Variants in POLR1F observed in about 807,000 individuals in gnomAD.
POLR1F encodes RNA polymerase I subunit F, also known as DNA-directed RNA polymerase I subunit RPA43.
In POLR1F, 23 loss-of-function variants were observed where a neutral mutation model predicts 21.8. That is an observed-to-expected ratio of 1.05 (90% confidence interval 0.76 to 1.49). The LOEUF (loss-of-function observed/expected upper bound fraction) is 1.49. Among genes scored for constraint, POLR1F ranks in the 40% most tolerant of loss-of-function variants. The pLI is 0.00. For missense variants in POLR1F, 435 were observed against 412.1 expected, an observed-to-expected ratio of 1.06 and a Z score of -0.48; for synonymous variants, 162 against 152.8, an observed-to-expected ratio of 1.06 and a Z score of -0.45.
At chr7:19,701,939 A>C (rs1783451326) in intron 2 of POLR1F, among the ~76,000 whole-genome samples, 2 of 151,886 alleles carry the variant, frequency 1.3e-5, no homozygotes, top group Admixed American at 6.6e-5. Flanking sequence ...GCAGTCGGAC[A>C]CTCAGCAGTA....
At chr7:19,704,645 C>T (rs767932177) in intron 2 of POLR1F, 134 bp downstream of exon 2, 76 of 832,098 alleles carry the variant, frequency 9.1e-5, no homozygotes, top group Non-Finnish European at 1.3e-4. Context: ...ATTAATTTTT[C>T]CTTAAAAATA....
intron 3 of POLR1F, 110 bp from the exon 4 acceptor site, chr7:19,698,837 A>C: frequency 2.4e-6 from 2 of 819,762 alleles, no homozygotes; most frequent in Non-Finnish European, 3.5e-6. Flanking sequence ...TGACTCCAGT[A>C]CAAGACACAT....
At chr7:19,702,667 GA>G (rs1227798755) in intron 2 of POLR1F, among the ~76,000 whole-genome samples, 35 of 152,168 alleles carry the variant, frequency 2.3e-4, no homozygotes, top group African/African-American at 7.9e-4. Flanking sequence ...ATACTTATCT[GA>G]AAAGAATTCA....
chr7:19,700,325 C>A (rs756848649), intron 2 of POLR1F, 45 bp from the exon 3 acceptor site: 1 of 1,487,378 alleles, frequency 6.7e-7, no homozygotes, highest in Non-Finnish European at 9.4e-7. Flanking sequence ...AGAACACATC[C>A]ACAAAGTTAA....
At chr7:19,705,477 G>A (rs1223766758) in intron 1 of POLR1F, 1 of 152,844 alleles carries the variant, frequency 6.5e-6, no homozygotes, top group African/African-American at 2.4e-5. Context: ...TGAATAAGAG[G>A]CAATTTTGGT....
rs3832529 is a variant in POLR1F, at chr7:19,696,206, CA to C, written c.*2109del. On this transcript the variant is annotated 3_prime_UTR_variant, in exon 4 of 4. Coordinates refer to ENST00000222567, the MANE Select transcript of POLR1F (RefSeq NM_001002926.2). The stretch of plus-strand genomic sequence containing the variant: ...AGTCTTTCTGTGTCAGAAAGACAAA[CA>C]AAAAAAACAATGAACAAAGTTATGC... 0.22 allele frequency: 32,885 copies of C among 151,330 alleles called. 4,212 individuals are homozygous for C. Among genetic ancestry groups the C allele is most frequent in the East Asian group, 0.62 (3,208 of 5,150 alleles). The allele number at this position is 151,330 out of a possible 1,614,324, so 9.4% of individuals were successfully genotyped here. A position where few individuals can be genotyped will look rare whatever the true frequency, so the allele number is the denominator to read the frequency against.
chr7:19,703,939 G>C (rs912520639), intron 2 of POLR1F, among the ~76,000 whole-genome samples: 2 of 152,146 alleles, frequency 1.3e-5, no homozygotes, highest in African/African-American at 4.8e-5. Context: ...GTAGATGAAA[G>C]TTAAGTTTGT....
rs924022506 is a variant in POLR1F at position 19,696,761 on chromosome 7, A to G, written c.*1555T>C. The stretch of plus-strand genomic sequence containing the variant: ...CTAAAATTGTTTTATTTAAGCCACT[A>G]TACCAAGACATATTGATTTCACCAA... On this transcript the variant is annotated 3_prime_UTR_variant, in exon 4 of 4. Coordinates refer to ENST00000222567, the MANE Select transcript of POLR1F (RefSeq NM_001002926.2). The G allele has an allele frequency of 5.3e-5, 8 of 152,130 alleles. No individual in the cohort carries two copies. The East Asian group carries it at 1.5e-3, about 29-fold the overall frequency. The allele number at this position is 152,130 out of a possible 1,614,324, so 9.4% of individuals were successfully genotyped here.
chr7:19,708,098 G>A (rs890534289), intron 1 of POLR1F, among the ~76,000 whole-genome samples: 1 of 151,954 alleles, frequency 6.6e-6, no homozygotes, highest in African/African-American at 2.4e-5. Context: ...TTTGAATACC[G>A]TAATATAAAT....
rs1318421274 is a variant in POLR1F, at chr7:19,698,132, C to T, written c.*184G>A. 2.1e-6 allele frequency: 1 copy of T among 478,554 alleles called. No homozygotes were observed. Among genetic ancestry groups the T allele is most frequent in the Non-Finnish European group, 3.5e-6 (1 of 287,896 alleles). The allele number at this position is 478,554 out of a possible 1,614,324, so 29.6% of individuals were successfully genotyped here. A position where few individuals can be genotyped will look rare whatever the true frequency, so the allele number is the denominator to read the frequency against. ...TAAAATGGTATTTTAACAATACTGGCTTTCCCCAAATTAATTTACAGTCAG... is the reference window on the plus strand; with the variant it reads ...TAAAATGGTATTTTAACAATACTGGTTTTCCCCAAATTAATTTACAGTCAG... On this transcript the variant is annotated 3_prime_UTR_variant, in exon 4 of 4. Transcript: ENST00000222567.
chr7:19,700,348 A>C, intron 2 of POLR1F, 68 bp from the exon 3 acceptor site: 1 of 1,157,594 alleles, frequency 8.6e-7, no homozygotes, highest in Non-Finnish European at 1.3e-6. Flanking sequence ...GGTGAACCAA[A>C]CTTTACAAGC....
At chr7:19,701,046 C>T (rs1180692037) in intron 2 of POLR1F, among the ~76,000 whole-genome samples, 1 of 152,016 alleles carries the variant, frequency 6.6e-6, no homozygotes, top group Admixed American at 6.6e-5. Flanking sequence ...CAAATAATGC[C>T]GATGTGTATA....
At position 19,700,284 on chromosome 7, in the gene POLR1F, GGAA is replaced by G. The variant is rs757693957; in HGVS notation, c.397-7_397-5del. 8.7e-6 allele frequency: 14 copies of G among 1,607,958 alleles called. No homozygotes were observed. In the South Asian group the frequency reaches 8.8e-5, roughly 10 times the overall value. ...AAGACACTTTATTAACTATACCCTG[GGAA>G]GAAGAAGGAAGAAAGAGCGTAACAT... On this transcript the variant is annotated splice_region_variant and splice_polypyrimidine_tract_variant and intron_variant, in intron 2 of 3. Transcript: ENST00000222567.
rs1476618138 is a variant in POLR1F, at chr7:19,700,205, G to A, written c.472C>T (p.Pro158Ser). ...CACTGCTCAGCTGACAACTGCTCAG[G>A]TTTAGGAATGGAGGCATTGAAACAC... ...HGCFNASIPKPEQLSAEQWQT... is the reference protein window; with the variant it reads ...HGCFNASIPKSEQLSAEQWQT... The change falls in exon 3 of 4, where the codon CCT (proline) becomes TCT (serine). Residue 158 changes from proline (P) to serine (S), a missense_variant. Pro to Ser is a moderately conservative substitution (Grantham distance 74). Transcript: ENST00000222567. 5 of 1,613,814 alleles carry A rather than the reference G, an allele frequency of 3.1e-6. No individual in the cohort carries two copies. The highest frequency in any genetic ancestry group is 1.1e-5 in the South Asian group (1 of 91,074).
rs1031432362 is a variant in POLR1F at position 19,700,317 on chromosome 7, A to G, written c.397-37T>C. The G allele has an allele frequency of 3.9e-6, 6 of 1,527,122 alleles. No homozygotes were observed. In the Admixed American group the frequency reaches 8.5e-5, roughly 22 times the overall value. 94.6% of individuals were successfully genotyped at this position (1,527,122 alleles called of 1,614,324 possible). On this transcript the variant is annotated intron_variant, in intron 2 of 3. Coordinates refer to ENST00000222567, the MANE Select transcript of POLR1F (RefSeq NM_001002926.2). ...AAGGAAGAAAGAGCGTAACATAAAG[A>G]ACACATCCACAAAGTTAAAAGGTGA...
At position 19,697,331 on chromosome 7, in the gene POLR1F, G is replaced by A. The variant is rs1020813875; in HGVS notation, c.*985C>T. 4 of 152,120 alleles carry A rather than the reference G, an allele frequency of 2.6e-5. No individual in the cohort carries two copies. Among genetic ancestry groups the A allele is most frequent in the Non-Finnish European group, 5.9e-5 (4 of 67,996 alleles). 9.4% of individuals were successfully genotyped at this position (152,120 alleles called of 1,614,324 possible). On this transcript the variant is annotated 3_prime_UTR_variant, in exon 4 of 4. Transcript: ENST00000222567. ...GCCATTGTATCCCTGGGCCTTAGCA[G>A]AATGTGTTATACAAAGTAGATGGTC...
chr7:19,706,058 T>C (rs1783520394), intron 1 of POLR1F, among the ~76,000 whole-genome samples: 1 of 152,184 alleles, frequency 6.6e-6, no homozygotes, highest in Non-Finnish European at 1.5e-5. Context: ...TCTAAGGCCT[T>C]TGATAGCAAA....
intron 1 of POLR1F, 107 bp from the exon 2 acceptor site, chr7:19,705,027 C>A (rs879867799): frequency 3.6e-5 from 41 of 1,153,988 alleles, no homozygotes; most frequent in African/African-American, 8.0e-5. Context: ...GCAGTGACAT[C>A]AACAGGGCTC....
chr7:19,704,822 G>A lies in POLR1F; in HGVS notation c.353C>T (p.Ala118Val), dbSNP rs1252796823. The A allele has an allele frequency of 9.3e-6, 15 of 1,607,280 alleles. No individual in the cohort carries two copies. Among genetic ancestry groups the A allele is most frequent in the African/African-American group, 1.3e-5 (1 of 74,466 alleles). The change falls in exon 2 of 4, where the codon GCC becomes GTC. Residue 118 changes from alanine to valine, a missense_variant. Transcript: ENST00000222567. Reference protein sequence around the residue: ...DQGHIHLNIEADFVIFCPEPG... With the variant: ...DQGHIHLNIEVDFVIFCPEPG... ...TTCAGGGCAGAAAATAACAAAATCG[G>A]CTTCAATGTTAAGATGAATGTGTCC...
Sources: gnomAD v4.1 joint callset for allele counts (sites outside exome capture counted in the v4.1 genomes callset) on GRCh38, gnomAD v4.1.1 for gene constraint, MANE v1.5 for transcripts, NCBI Gene and HGNC (gene_info 2026-07-23, HGNC 2026-07-21) for gene names.